The following ZC3H12B variants were observed in gnomAD, a reference collection of about 807,000 sequenced individuals.
ZC3H12B encodes zinc finger CCCH-type containing 12B.
ZC3H12B carries 7 observed loss-of-function variants against 43.9 expected under a neutral mutation model. That is an observed-to-expected ratio of 0.16 (90% CI 0.09 to 0.30). ZC3H12B has a LOEUF of 0.30. Among genes scored for constraint, ZC3H12B ranks in the 10% least tolerant of loss-of-function variants. The pLI is 1.00. For synonymous variants in ZC3H12B, 222 were observed against 241.7 expected (o/e 0.92, Z 0.76); for missense variants, 475 against 670.2 (o/e 0.71, Z 3.22).
chrX:65,150,114 T>A, the ZC3H12B span, among the ~76,000 whole-genome samples: 1 of 110,911 alleles, frequency 9.0e-6, no homozygotes, highest in East Asian at 2.8e-4. Context: ...TCCTTTGAAT[T>A]TTAACTTTGT....
the ZC3H12B span, among the ~76,000 whole-genome samples, chrX:65,212,496 TATAC>T: frequency 1.4e-5 from 1 of 69,575 alleles, no homozygotes; most frequent in Non-Finnish European, 2.4e-5. Flanking sequence ...TATTATATAA[TATAC>T]ATATTATATA....
At chrX:65,355,072 G>A in the ZC3H12B span, among the ~76,000 whole-genome samples, 2 of 111,816 alleles carry the variant, frequency 1.8e-5, no homozygotes, top group African/African-American at 6.5e-5. Context: ...CCCCAACCTA[G>A]CAAGACAGGC....
chrX:65,422,751 A>G (rs1338185421), intron 3 of ZC3H12B, among the ~76,000 whole-genome samples: 1 of 108,914 alleles, frequency 9.2e-6, no homozygotes, highest in Non-Finnish European at 1.9e-5. Context: ...GTTCTAATTG[A>G]TCAACTGCCA....
At chrX:65,212,828 G>T in the ZC3H12B span, among the ~76,000 whole-genome samples, 2 of 103,846 alleles carry the variant, frequency 1.9e-5, no homozygotes, top group South Asian at 7.8e-4. Context: ...GCTCAACATT[G>T]TATCTCCAGC....
chrX:65,282,406 G>A, the ZC3H12B span, among the ~76,000 whole-genome samples: 79 of 111,844 alleles, frequency 7.1e-4, no homozygotes, highest in African/African-American at 2.4e-3. Context: ...TGAATTTAAC[G>A]GTACTGGAAG....
chrX:65,159,622 G>A, the ZC3H12B span, among the ~76,000 whole-genome samples: 1 of 112,048 alleles, frequency 8.9e-6, no homozygotes, highest in Admixed American at 9.5e-5. Context: ...TGTATCATGA[G>A]ACTTTGCTGA....
the ZC3H12B span, among the ~76,000 whole-genome samples, chrX:65,058,451 G>T: frequency 8.9e-6 from 1 of 111,973 alleles, no homozygotes; most frequent in Non-Finnish European, 1.9e-5. Flanking sequence ...TGTCTCAGAG[G>T]GGTAACCAGC....
chrX:65,367,187 TA>T (rs765383139), intron 1 of ZC3H12B, among the ~76,000 whole-genome samples: 14 of 111,874 alleles, frequency 1.3e-4, no homozygotes, highest in Non-Finnish European at 2.3e-4. Context: ...TATAAATCAT[TA>T]AAACTGTAGA....
the ZC3H12B span, among the ~76,000 whole-genome samples, chrX:65,119,239 G>C: frequency 2.7e-4 from 30 of 111,248 alleles, no homozygotes; most frequent in Non-Finnish European, 4.7e-4. Flanking sequence ...ACTTCCACAA[G>C]AGTTGAACTA....
chrX:65,040,582 T>A, the ZC3H12B span, among the ~76,000 whole-genome samples: 2 of 110,526 alleles, frequency 1.8e-5, no homozygotes, highest in Non-Finnish European at 3.8e-5. Flanking sequence ...AAGTTTTGAA[T>A]TTTAGATTTT....
At chrX:65,115,103 C>T in the ZC3H12B span, among the ~76,000 whole-genome samples, 2 of 107,806 alleles carry the variant, frequency 1.9e-5, no homozygotes, top group African/African-American at 3.4e-5. Flanking sequence ...TATGTGATTA[C>T]ATGAATAAGT....
At chrX:65,239,138 T>G in the ZC3H12B span, among the ~76,000 whole-genome samples, 1 of 111,644 alleles carries the variant, frequency 9.0e-6, no homozygotes, top group East Asian at 2.8e-4. Context: ...CTTTGTTAAT[T>G]TTCTTTTTCA....
the ZC3H12B span, among the ~76,000 whole-genome samples, chrX:65,155,845 C>T: frequency 9.2e-6 from 1 of 109,241 alleles, no homozygotes; most frequent in South Asian, 4.0e-4. Context: ...GGTGACAGAG[C>T]GAGGCCTTTT....
the ZC3H12B span, among the ~76,000 whole-genome samples, chrX:65,360,614 C>A: frequency 1.8e-5 from 2 of 112,318 alleles, no homozygotes; most frequent in African/African-American, 6.5e-5. Flanking sequence ...TAAATTGATA[C>A]AACTACTTTG....
chrX:65,366,299 T>C (rs971383073), upstream of ZC3H12B, among the ~76,000 whole-genome samples: 1 of 111,581 alleles, frequency 9.0e-6, no homozygotes, highest in African/African-American at 3.3e-5. Flanking sequence ...TTTGGCTTCT[T>C]CTTTTAATAG....
the ZC3H12B span, among the ~76,000 whole-genome samples, chrX:65,249,794 G>C: frequency 6.2e-5 from 5 of 80,136 alleles, no homozygotes; most frequent in Admixed American, 1.4e-4. Flanking sequence ...ATATTCCTAA[G>C]TATTTTTTTT....
chrX:65,176,648 C>A, the ZC3H12B span, among the ~76,000 whole-genome samples: 1 of 111,982 alleles, frequency 8.9e-6, no homozygotes, highest in African/African-American at 3.2e-5. Flanking sequence ...ATACTATAAA[C>A]ACCTTTATGC....
chrX:65,399,291 T>C (rs1409257796), intron 3 of ZC3H12B, among the ~76,000 whole-genome samples: 1 of 112,249 alleles, frequency 8.9e-6, no homozygotes, highest in East Asian at 2.8e-4. Context: ...GACAATGGAT[T>C]AGTAATCAGA....
chrX:65,256,047 G>A, the ZC3H12B span, among the ~76,000 whole-genome samples: 1 of 112,089 alleles, frequency 8.9e-6, no homozygotes, highest in African/African-American at 3.2e-5. Context: ...CAAGTTCTCA[G>A]AATCCTATGA....
Sources: gnomAD v4.1 joint callset for allele counts (sites outside exome capture counted in the v4.1 genomes callset) on GRCh38, gnomAD v4.1.1 for gene constraint, MANE v1.5 for transcripts, NCBI Gene and HGNC (gene_info 2026-07-23, HGNC 2026-07-21) for gene names.